FSTL4: variants seen among roughly 807,000 people sequenced by gnomAD.
FSTL4 encodes the protein follistatin-related protein 4.
Under a neutral mutation model 78.2 loss-of-function variants are expected in FSTL4, and 28 were observed. The observed-to-expected ratio is 0.36, with a 90% CI of 0.27 to 0.49. The LOEUF (loss-of-function observed/expected upper bound fraction) is 0.49, where lower values mean the gene tolerates loss of function less well. Ranked by LOEUF, FSTL4 falls within the 20% of genes least tolerant of loss-of-function variation. FSTL4 has a pLI of 0.98. For synonymous variants in FSTL4, 422 were observed against 440.5 expected, an observed-to-expected ratio of 0.96 and a Z score of 0.53; for missense variants, 922 against 1,084.9, an observed-to-expected ratio of 0.85 and a Z score of 2.11.
chr5:133,471,212 C>T lies in FSTL4; in HGVS notation c.161-70226G>A, dbSNP rs6896595. On this transcript the variant is annotated intron_variant, in intron 3 of 15. Coordinates refer to ENST00000265342, the MANE Select transcript of FSTL4 (RefSeq NM_015082.2). ...TTAAAATATTATTTGTTTTAACTAC[C>T]GCGTCTTTGTGTTGGAGGCACGCAC... is the stretch of plus-strand genomic sequence containing the variant. Among the ~76,000 whole-genome samples the T allele has an allele frequency of 1.0e-2, 1,515 of 152,026 alleles. 19 individuals carry two copies. Among genetic ancestry groups the T allele is most frequent in the African/African-American group, 0.034 (1,416 of 41,424 alleles).
intron 4 of FSTL4, among the ~76,000 whole-genome samples, chr5:133,325,605 G>C (rs1049762822): frequency 2.0e-5 from 3 of 152,134 alleles, no homozygotes; most frequent in Admixed American, 6.5e-5. Flanking sequence ...GCCTGGGTGG[G>C]GGATGGTGGG....
At chr5:133,713,936 G>A in the FSTL4 span, among the ~76,000 whole-genome samples, 1 of 152,134 alleles carries the variant, frequency 6.6e-6, no homozygotes, top group African/African-American at 2.4e-5. Flanking sequence ...GAGCCCGGAC[G>A]CTGAACCCTT....
In FSTL4 at chr5:133,352,327, CACACATATATAT is replaced by C. The variant is rs1561682971; in HGVS notation, c.410-35687_410-35676del. On this transcript the variant is annotated intron_variant, in intron 4 of 15. Coordinates refer to ENST00000265342, the MANE Select transcript of FSTL4 (RefSeq NM_015082.2). ...ATATATATATACACACATATATATA[CACACATATATAT>C]ATACACATATATATACACACACATA... Among the ~76,000 whole-genome samples the C allele has an allele frequency of 6.5e-4, 57 of 87,272 alleles. 1 individual carries two copies. The highest frequency in any genetic ancestry group is 4.7e-3 in the South Asian group (14 of 2,976). The allele number at this position is 87,272 out of a possible 152,430, so 57.3% of individuals were successfully genotyped here.
At chr5:133,527,855 G>C (rs1169721023) in intron 3 of FSTL4, among the ~76,000 whole-genome samples, 3 of 152,166 alleles carry the variant, frequency 2.0e-5, no homozygotes, top group African/African-American at 7.2e-5. Flanking sequence ...CTGATATCCA[G>C]GGGTCAGCCA....
chr5:133,760,823 T>C, the FSTL4 span, among the ~76,000 whole-genome samples: 558 of 152,264 alleles, frequency 3.7e-3, 1 homozygote, highest in African/African-American at 0.013. Flanking sequence ...ACAGGCAATA[T>C]TTGCTCAGCC....
At position 133,356,840 on chromosome 5, in the gene FSTL4, A is replaced by G. The variant is rs75180780; in HGVS notation, c.410-40188T>C. ...TTCCTGCAGGACTTTTATGGGGACA[A>G]TGCTGGGCATGCAAACGAGGCCCTA... On this transcript the variant is annotated intron_variant, in intron 4 of 15. Coordinates refer to ENST00000265342, the MANE Select transcript of FSTL4 (RefSeq NM_015082.2). Among the ~76,000 whole-genome samples the G allele has an allele frequency of 2.8e-4, 43 of 152,326 alleles. No individual in the cohort carries two copies. In the East Asian group the frequency reaches 7.0e-3, roughly 25 times the overall value.
chr5:133,232,055 T>G (rs1267775807), intron 8 of FSTL4, among the ~76,000 whole-genome samples: 2 of 152,340 alleles, frequency 1.3e-5, no homozygotes, highest in Admixed American at 1.3e-4. Context: ...TTGTCTGAAC[T>G]GTGGGGAGGT....
intron 6 of FSTL4, among the ~76,000 whole-genome samples, chr5:133,270,868 C>T (rs958873919): frequency 6.6e-6 from 1 of 152,142 alleles, no homozygotes; most frequent in Non-Finnish European, 1.5e-5. Context: ...AGTCATAATC[C>T]GCTGTGCCAT....
intron 6 of FSTL4, among the ~76,000 whole-genome samples, chr5:133,292,620 T>A (rs1247425993): frequency 2.0e-5 from 3 of 151,776 alleles, no homozygotes; most frequent in African/African-American, 7.3e-5. Flanking sequence ...CTTCCTGAGA[T>A]GAGATGATTC....
intron 6 of FSTL4, among the ~76,000 whole-genome samples, chr5:133,278,932 C>T (rs1029142988): frequency 1.3e-5 from 2 of 152,202 alleles, no homozygotes; most frequent in Non-Finnish European, 2.9e-5. Flanking sequence ...AACAGCCTTC[C>T]TGGGCCTGAG....
At chr5:133,314,451 C>T (rs1753856333) in intron 5 of FSTL4, among the ~76,000 whole-genome samples, 2 of 152,238 alleles carry the variant, frequency 1.3e-5, no homozygotes, top group Non-Finnish European at 2.9e-5. Context: ...CAACGTGCTT[C>T]CTGAAAGCAG....
chr5:133,662,724 G>A, the FSTL4 span, among the ~76,000 whole-genome samples: 1 of 152,246 alleles, frequency 6.6e-6, no homozygotes, highest in African/African-American at 2.4e-5. Context: ...AGCTCCCCAG[G>A]GCTGTGCTTA....
chr5:133,772,199 A>G, the FSTL4 span, among the ~76,000 whole-genome samples: 11 of 152,350 alleles, frequency 7.2e-5, no homozygotes, highest in South Asian at 2.3e-3. Context: ...AGTGACAATT[A>G]TATCCAATTT....
chr5:133,360,486 T>A (rs199638769), intron 4 of FSTL4, among the ~76,000 whole-genome samples: 23,309 of 151,284 alleles, frequency 0.15, 2,031 homozygotes, highest in East Asian at 0.35. Flanking sequence ...TTTTTTTTTT[T>A]TTTTTTTTTG....
At position 133,407,526 on chromosome 5, in the gene FSTL4, G is replaced by A. The variant is rs181588609; in HGVS notation, c.161-6540C>T. ...CAGAAACACATGGTTATCCATTGCT[G>A]GAAGGTAATGCAACCTGCCATGCAT... On this transcript the variant is annotated intron_variant, in intron 3 of 15. Transcript: ENST00000265342. 2.0e-5 allele frequency among the ~76,000 whole-genome samples: 3 copies of A among 152,302 alleles called. No homozygotes were observed. In the East Asian group the frequency reaches 5.8e-4, roughly 29 times the overall value.
intron 6 of FSTL4, among the ~76,000 whole-genome samples, chr5:133,309,721 G>A (rs923016029): frequency 6.6e-6 from 1 of 152,140 alleles, no homozygotes; most frequent in Non-Finnish European, 1.5e-5. Flanking sequence ...TTCCTTCTCT[G>A]GGTACAACAG....
chr5:133,268,599 C>T (rs1004146086), intron 6 of FSTL4, among the ~76,000 whole-genome samples: 1 of 152,120 alleles, frequency 6.6e-6, no homozygotes, highest in Non-Finnish European at 1.5e-5. Flanking sequence ...CAAGTGCAAA[C>T]CTCACCTGCC....
intron 7 of FSTL4, among the ~76,000 whole-genome samples, chr5:133,234,446 G>A (rs1052065745): frequency 1.3e-5 from 2 of 152,152 alleles, no homozygotes; most frequent in Non-Finnish European, 2.9e-5. Flanking sequence ...GATGAGCACT[G>A]GGCACCAAGC....
chr5:133,807,779 G>A, the FSTL4 span, among the ~76,000 whole-genome samples: 1 of 152,188 alleles, frequency 6.6e-6, no homozygotes, highest in South Asian at 2.1e-4. Flanking sequence ...GGAACTAAGG[G>A]AGACCCAAGT....
Sources: allele counts gnomAD v4.1 joint callset (sites outside exome capture counted in the v4.1 genomes callset), GRCh38; gene constraint gnomAD v4.1.1; transcripts MANE v1.5; gene names NCBI Gene and HGNC (gene_info 2026-07-23, HGNC 2026-07-21).